The following CADM1 variants were observed in gnomAD, a reference collection of about 807,000 sequenced individuals.
CADM1 encodes the protein cell adhesion molecule 1, also known as TSLC-1.
A neutral mutation model predicts 53.1 loss-of-function variants in CADM1; 15 were observed. The observed-to-expected ratio is 0.28, with a 90% CI of 0.19 to 0.44. CADM1 has a LOEUF of 0.44. Ranked by LOEUF, CADM1 falls within the 20% of genes least tolerant of loss-of-function variation. CADM1 has a pLI of 1.00. For missense variants in CADM1, 434 were observed against 611.3 expected (o/e 0.71, Z 3.06); for synonymous variants, 281 against 243.0 (o/e 1.16, Z -1.45).
chr11:115,472,687 CTT>C, intron 1 of CADM1, among the ~76,000 whole-genome samples: 1 of 152,216 alleles, frequency 6.6e-6, no homozygotes, highest in Admixed American at 6.5e-5. Flanking sequence ...GCAAATCACT[CTT>C]AGCCCATCTG....
intron 3 of CADM1, among the ~76,000 whole-genome samples, chr11:115,233,654 T>C (rs1325580088): frequency 3.3e-5 from 5 of 149,972 alleles, no homozygotes; most frequent in African/African-American, 4.9e-5. Flanking sequence ...TAAGAAAAAA[T>C]GAAAACAACT....
chr11:115,447,376 T>C (rs955358328), intron 1 of CADM1, among the ~76,000 whole-genome samples: 1 of 152,198 alleles, frequency 6.6e-6, no homozygotes, highest in African/African-American at 2.4e-5. Context: ...ATAATCCCAT[T>C]TCACTACTTC....
At chr11:115,220,559 G>A (rs1413120994) in intron 5 of CADM1, among the ~76,000 whole-genome samples, 2 of 152,152 alleles carry the variant, frequency 1.3e-5, no homozygotes, top group Non-Finnish European at 2.9e-5. Flanking sequence ...ATAGCTGGCT[G>A]AAAAGGTAAG....
At chr11:115,246,365 C>G (rs551071592) in intron 1 of CADM1, among the ~76,000 whole-genome samples, 22 of 152,196 alleles carry the variant, frequency 1.4e-4, no homozygotes, top group Non-Finnish European at 3.1e-4. Flanking sequence ...TGAATGCCAA[C>G]CATACAGTTC....
At position 115,178,664 on chromosome 11, in the gene CADM1, C is replaced by T. The variant is rs745376752; in HGVS notation, c.1277G>A (p.Arg426His). ...AMLCLLIILG[R>H]YFARHKGTYF... ...CTTACCTTTATGTCTGGCAAAATAG[C>T]GCCCCAGAATGATGAGCAAGCACAG... Residue 426 changes from arginine to histidine, a missense_variant, in exon 11 of 12, where the codon CGC (arginine) becomes CAC (histidine). By Grantham distance (29) the Arg-to-His change is conservative. Coordinates refer to ENST00000331581, the MANE Select transcript of CADM1 (RefSeq NM_001301043.2). 7 of 1,613,354 alleles carry T rather than the reference C, an allele frequency of 4.3e-6. No homozygotes were observed. Among genetic ancestry groups the T allele is most frequent in the South Asian group, 3.3e-5 (3 of 91,066 alleles).
At chr11:115,502,279 T>C (rs979511754) in intron 1 of CADM1, among the ~76,000 whole-genome samples, 1 of 151,830 alleles carries the variant, frequency 6.6e-6, no homozygotes, top group African/African-American at 2.4e-5. Context: ...ACTCCCATTT[T>C]TAGTCAAAAA....
chr11:115,320,702 T>C (rs1184361959), intron 1 of CADM1, among the ~76,000 whole-genome samples: 1 of 151,928 alleles, frequency 6.6e-6, no homozygotes, highest in African/African-American at 2.4e-5. Context: ...AAAAAAAGTT[T>C]CATTTAATTA....
At chr11:115,267,889 G>A (rs1262931566) in intron 1 of CADM1, among the ~76,000 whole-genome samples, 3 of 151,688 alleles carry the variant, frequency 2.0e-5, no homozygotes, top group East Asian at 3.9e-4. Context: ...TTTATGACAC[G>A]GTCACCGGGC....
At position 115,173,778 on chromosome 11, in the gene CADM1, G is replaced by A. The variant is rs575795507; in HGVS notation, c.*2696C>T. 2.7e-5 allele frequency: 26 copies of A among 980,660 alleles called. No homozygotes were observed. In the South Asian group the frequency reaches 4.3e-4, roughly 16 times the overall value. 60.7% of individuals were successfully genotyped at this position (980,660 alleles called of 1,614,324 possible). On this transcript the variant is annotated 3_prime_UTR_variant, in exon 12 of 12. Coordinates refer to ENST00000331581, the MANE Select transcript of CADM1 (RefSeq NM_001301043.2). ...ATGGAGTTTCTTACACTGTAACATT[G>A]TCCATGTACACCTTAAAAACAGAAC... is the stretch of plus-strand genomic sequence containing the variant.
intron 1 of CADM1, among the ~76,000 whole-genome samples, chr11:115,418,567 C>A (rs1010005620): frequency 2.0e-5 from 3 of 152,154 alleles, no homozygotes; most frequent in African/African-American, 7.2e-5. Context: ...AAAATTCGTG[C>A]TGCAAATTGC....
At chr11:115,283,689 A>G (rs1185182513) in intron 1 of CADM1, among the ~76,000 whole-genome samples, 1 of 152,224 alleles carries the variant, frequency 6.6e-6, no homozygotes. Context: ...AAAAAATTAA[A>G]TGCCAACTTC....
chr11:115,219,850 T>TA (rs2134788318), intron 5 of CADM1, among the ~76,000 whole-genome samples: 1 of 151,960 alleles, frequency 6.6e-6, no homozygotes, highest in Admixed American at 6.5e-5. Context: ...TTAAAAAAGA[T>TA]ACAAAAAAAA....
Position 115,234,045 on chromosome 11 carries a change from T to C in CADM1, c.425-2555A>G, listed in dbSNP as rs904229122. ...CAGCAGTTGTTAAAAGACTCCTCTATGTATCTCTGTTGAGTCTTAGTGGAA... is the reference window on the plus strand; with the variant it reads ...CAGCAGTTGTTAAAAGACTCCTCTACGTATCTCTGTTGAGTCTTAGTGGAA... On this transcript the variant is annotated intron_variant, in intron 3 of 11. Transcript: ENST00000331581. 2.6e-5 allele frequency among the ~76,000 whole-genome samples: 4 copies of C among 152,216 alleles called. No homozygotes were observed. The East Asian group carries it at 5.8e-4, about 22-fold the overall frequency.
intron 1 of CADM1, among the ~76,000 whole-genome samples, chr11:115,250,066 G>T (rs4936324): frequency 7.9e-5 from 12 of 151,900 alleles, no homozygotes; most frequent in Admixed American, 3.3e-4. Context: ...CACCACCCTG[G>T]CTAATTTTTT....
Position 115,250,851 on chromosome 11 carries a change from T to C in CADM1, c.125-10431A>G. On this transcript the variant is annotated intron_variant, in intron 1 of 11. Transcript: ENST00000331581. ...ATACTGAATAAGTGGTTGGAACCAA[T>C]ATCTGAATCCAGGTCTGTTTAACTC... Among the ~76,000 whole-genome samples the C allele has an allele frequency of 2.6e-5, 4 of 152,306 alleles. 1 individual carries two copies. In the Middle Eastern group the frequency reaches 0.014, roughly 518 times the overall value.
intron 1 of CADM1, among the ~76,000 whole-genome samples, chr11:115,481,264 C>T (rs1423187609): frequency 6.6e-6 from 1 of 152,118 alleles, no homozygotes; most frequent in African/African-American, 2.4e-5. Context: ...GGTAGAGGTC[C>T]CCTATGAATA....
chr11:115,192,362 T>C (rs750688531), intron 9 of CADM1, among the ~76,000 whole-genome samples: 1 of 152,184 alleles, frequency 6.6e-6, no homozygotes, highest in East Asian at 1.9e-4. Flanking sequence ...TCCCAAACTA[T>C]AGATTTAGGC....
At chr11:115,399,671 T>C (rs1947088225) in intron 1 of CADM1, among the ~76,000 whole-genome samples, 1 of 152,230 alleles carries the variant, frequency 6.6e-6, no homozygotes, top group African/African-American at 2.4e-5. Flanking sequence ...ATCTTTCAAT[T>C]TTTCAAAGCC....
At chr11:115,428,227 C>T (rs139820036) in intron 1 of CADM1, among the ~76,000 whole-genome samples, 328 of 152,110 alleles carry the variant, frequency 2.2e-3, no homozygotes, top group African/African-American at 7.4e-3. Context: ...TTTAAAATAT[C>T]TAGACATTTC....
Sources: allele counts gnomAD v4.1 joint callset (sites outside exome capture counted in the v4.1 genomes callset), GRCh38; gene constraint gnomAD v4.1.1; transcripts MANE v1.5; gene names NCBI Gene and HGNC (gene_info 2026-07-23, HGNC 2026-07-21).